RGS6: variants seen among roughly 807,000 people sequenced by gnomAD.
RGS6 encodes regulator of G protein signaling 6, also known as regulator of G-protein signaling 6.
Under a neutral mutation model 78.5 loss-of-function variants are expected in RGS6, and 30 were observed. The observed-to-expected ratio is 0.38, with a 90% CI of 0.29 to 0.52. The LOEUF is 0.52. RGS6 is among the 20% of genes least tolerant of loss of function. The pLI is 0.85. For missense variants in RGS6, 495 were observed against 609.7 expected, an observed-to-expected ratio of 0.81 and a Z score of 1.98; for synonymous variants, 206 against 206.0, an observed-to-expected ratio of 1.00 and a Z score of 0.00.
intron 2 of RGS6, among the ~76,000 whole-genome samples, chr14:72,304,513 A>G (rs1035505149): frequency 6.6e-6 from 1 of 152,196 alleles, no homozygotes; most frequent in East Asian, 1.9e-4. Context: ...TTGCATCTGA[A>G]GTCATCTTGC....
intron 2 of RGS6, among the ~76,000 whole-genome samples, chr14:72,269,887 A>G (rs968583203): frequency 6.6e-6 from 1 of 152,112 alleles, no homozygotes; most frequent in East Asian, 1.9e-4. Flanking sequence ...TTAATGCATC[A>G]AATATGGGCT....
chr14:72,052,558 G>A (rs1040769885), intron 2 of RGS6, among the ~76,000 whole-genome samples: 4 of 152,196 alleles, frequency 2.6e-5, no homozygotes, highest in African/African-American at 9.7e-5. Context: ...TGAAAACAGG[G>A]CAGACCAGCA....
chr14:72,210,810 TTTTTTG>T lies in RGS6; in HGVS notation c.85-141267_85-141262del, dbSNP rs2043928751. 2.6e-5 allele frequency among the ~76,000 whole-genome samples: 4 copies of T among 152,186 alleles called. No homozygotes were observed. The South Asian group carries it at 8.3e-4, about 31-fold the overall frequency. On this transcript the variant is annotated intron_variant, in intron 2 of 17. Transcript: ENST00000553525. Reference sequence around the variant, plus strand: ...CTTTCCCCTGTTTTTTTCTACCAGTTTTTTTGTTTTTGTTTTTGTTTTTTTTTAAAC... The same window carrying T: ...CTTTCCCCTGTTTTTTTCTACCAGTTTTTTTGTTTTTGTTTTTTTTTAAAC...
chr14:72,047,582 C>T (rs1596565605), intron 2 of RGS6, among the ~76,000 whole-genome samples: 2 of 152,190 alleles, frequency 1.3e-5, no homozygotes, highest in East Asian at 3.8e-4. Context: ...CGAACACAGG[C>T]TGGACAAAGA....
intron 2 of RGS6, among the ~76,000 whole-genome samples, chr14:72,152,245 AGTGTGTGTGT>A (rs10686344): frequency 1.4e-4 from 14 of 97,228 alleles, no homozygotes; most frequent in African/African-American, 4.0e-4. Flanking sequence ...AGAGAGAGAG[AGTGTGTGTGT>A]GTGTGTGTGT....
At chr14:72,223,771 C>T (rs927934983) in intron 2 of RGS6, among the ~76,000 whole-genome samples, 6 of 152,164 alleles carry the variant, frequency 3.9e-5, no homozygotes, top group Admixed American at 2.0e-4. Context: ...AGGTTCCATT[C>T]GGTCATTGTT....
intron 2 of RGS6, among the ~76,000 whole-genome samples, chr14:72,329,820 A>G (rs930488893): frequency 3.3e-5 from 5 of 152,122 alleles, no homozygotes; most frequent in Admixed American, 3.3e-4. Flanking sequence ...GGAGGAAGGG[A>G]CATGTGCAAC....
intron 2 of RGS6, among the ~76,000 whole-genome samples, chr14:72,096,898 C>T (rs117413408): frequency 0.015 from 2,358 of 152,336 alleles, 33 homozygotes; most frequent in Non-Finnish European, 0.023. Flanking sequence ...CAACCACAGT[C>T]TCCTTCCTTC....
chr14:72,089,787 G>A (rs548518774), intron 2 of RGS6, among the ~76,000 whole-genome samples: 2 of 152,278 alleles, frequency 1.3e-5, no homozygotes, highest in African/African-American at 4.8e-5. Context: ...CTCCTCCCCT[G>A]GCCAGATTTA....
intron 3 of RGS6, among the ~76,000 whole-genome samples, chr14:72,403,177 A>G (rs1478983719): frequency 6.6e-5 from 10 of 152,192 alleles, no homozygotes; most frequent in East Asian, 1.9e-4. Flanking sequence ...ACTATTCACA[A>G]TCGCTAAGAT....
At chr14:71,873,970 C>A in the RGS6 span, among the ~76,000 whole-genome samples, 3 of 152,118 alleles carry the variant, frequency 2.0e-5, no homozygotes, top group African/African-American at 7.2e-5. Flanking sequence ...GGTATTATTT[C>A]TGAGGGCTCT....
intron 2 of RGS6, among the ~76,000 whole-genome samples, chr14:72,245,849 G>A (rs66823874): frequency 0.057 from 8,717 of 152,194 alleles, 362 homozygotes; most frequent in East Asian, 0.27. Flanking sequence ...AGTATGAGCC[G>A]AGGATAGTCA....
chr14:72,500,858 C>G (rs1013124344), intron 13 of RGS6, among the ~76,000 whole-genome samples: 5 of 152,162 alleles, frequency 3.3e-5, no homozygotes, highest in Admixed American at 3.3e-4. Flanking sequence ...AGGGAAATGC[C>G]TAGCATTGAG....
chr14:72,004,338 C>T (rs775706413), intron 2 of RGS6, among the ~76,000 whole-genome samples: 2 of 152,100 alleles, frequency 1.3e-5, no homozygotes, highest in African/African-American at 2.4e-5. Context: ...CAAATTAAAA[C>T]AAAAACAGTG....
chr14:72,510,211 G>T lies in RGS6; in HGVS notation c.1023G>T (p.Leu341Phe). ...GGGGCTTCTCTTTCGATGAGATATT[G>T]AAGGACCAGGTGGGGCGGGACCAGT... ...KRWGFSFDEI[L>F]KDQVGRDQFL... is the part of the protein sequence containing the mutation. Residue 341 changes from leucine to phenylalanine, a missense_variant, in exon 14 of 18, where the codon TTG becomes TTT. Coordinates refer to ENST00000553525, the MANE Select transcript of RGS6 (RefSeq NM_001204424.2). 6.2e-7 allele frequency: 1 copy of T among 1,614,018 alleles called. No individual in the cohort carries two copies. Among genetic ancestry groups the T allele is most frequent in the Non-Finnish European group, 8.5e-7 (1 of 1,179,998 alleles).
chr14:72,199,351 A>G (rs1458037743), intron 2 of RGS6, among the ~76,000 whole-genome samples: 4 of 152,252 alleles, frequency 2.6e-5, no homozygotes, highest in Non-Finnish European at 2.9e-5. Flanking sequence ...GAATTATAGA[A>G]GAGTTGTAAG....
At chr14:71,973,712 G>T (rs2093947529) in intron 2 of RGS6, among the ~76,000 whole-genome samples, 1 of 152,108 alleles carries the variant, frequency 6.6e-6, no homozygotes. Context: ...AGTGTTCAGG[G>T]TAACTAATTT....
chr14:71,972,076 T>C (rs2093847076), intron 2 of RGS6, among the ~76,000 whole-genome samples: 2 of 152,178 alleles, frequency 1.3e-5, no homozygotes, highest in African/African-American at 4.8e-5. Context: ...TACATAGGTA[T>C]ACATGTGCCA....
chr14:72,227,668 G>C (rs532519664), intron 2 of RGS6, among the ~76,000 whole-genome samples: 123 of 152,186 alleles, frequency 8.1e-4, no homozygotes, highest in African/African-American at 2.8e-3. Context: ...TTCTTGTTTA[G>C]CATATTTTAT....
Sources: gnomAD v4.1 joint callset for allele counts (sites outside exome capture counted in the v4.1 genomes callset) on GRCh38, gnomAD v4.1.1 for gene constraint, MANE v1.5 for transcripts, NCBI Gene and HGNC (gene_info 2026-07-23, HGNC 2026-07-21) for gene names.